EHBP1: variants seen among roughly 807,000 people sequenced by gnomAD.
The protein encoded by EHBP1 is EH domain binding protein 1.
Under a neutral mutation model 144.0 loss-of-function variants are expected in EHBP1, and 55 were observed. The observed-to-expected ratio is 0.38, with a 90% CI of 0.31 to 0.48. EHBP1 has a LOEUF of 0.48. Among genes scored for constraint, EHBP1 ranks in the 20% least tolerant of loss-of-function variants. The pLI, the probability that EHBP1 is intolerant of heterozygous loss-of-function variation, is 0.98. For missense variants in EHBP1, 1,200 were observed against 1,364.2 expected (o/e 0.88, Z 1.90); for synonymous variants, 469 against 472.7 (o/e 0.99, Z 0.10).
At chr2:62,907,656 C>A (rs539842531) in intron 10 of EHBP1, among the ~76,000 whole-genome samples, 145 of 152,260 alleles carry the variant, frequency 9.5e-4, no homozygotes, top group African/African-American at 3.0e-3. Context: ...CTCATCTAAG[C>A]CTAATTACTT....
chr2:62,816,463 A>C (rs1208176688), intron 5 of EHBP1, among the ~76,000 whole-genome samples: 3 of 152,198 alleles, frequency 2.0e-5, no homozygotes, highest in African/African-American at 7.2e-5. Flanking sequence ...TTCTCAAATA[A>C]AGTGTATAAA....
intron 21 of EHBP1, among the ~76,000 whole-genome samples, chr2:63,041,667 T>C (rs1009766651): frequency 3.5e-4 from 54 of 152,326 alleles, no homozygotes; most frequent in African/African-American, 1.2e-3. Context: ...CAGTCTTCCA[T>C]AGATTGATTA....
At chr2:62,886,700 A>G (rs969074239) in intron 10 of EHBP1, among the ~76,000 whole-genome samples, 2 of 152,180 alleles carry the variant, frequency 1.3e-5, no homozygotes, top group African/African-American at 4.8e-5. Flanking sequence ...AATACCTTCA[A>G]TCTGCTTTTA....
intron 19 of EHBP1, among the ~76,000 whole-genome samples, chr2:63,010,429 C>A (rs916839883): frequency 2.0e-5 from 3 of 151,168 alleles, no homozygotes; most frequent in Non-Finnish European, 1.5e-5. Flanking sequence ...ATTTTTAAAA[C>A]CTATTAAAAA....
intron 14 of EHBP1, among the ~76,000 whole-genome samples, chr2:62,957,695 G>A (rs368564464): frequency 8.3e-6 from 1 of 120,650 alleles, no homozygotes; most frequent in Non-Finnish European, 1.6e-5. Context: ...ACCCAGGCTG[G>A]AGCGCAGTGG....
At chr2:63,033,313 G>A (rs980821845) in intron 19 of EHBP1, among the ~76,000 whole-genome samples, 1 of 151,916 alleles carries the variant, frequency 6.6e-6, no homozygotes, top group Non-Finnish European at 1.5e-5. Context: ...TTTGTGTTTG[G>A]TTTAGCTTTG....
chr2:62,999,081 G>A (rs2059750459), intron 19 of EHBP1, among the ~76,000 whole-genome samples: 1 of 152,010 alleles, frequency 6.6e-6, no homozygotes, highest in Admixed American at 6.6e-5. Flanking sequence ...CTAGAATTAA[G>A]CAGAGCAGAT....
At chr2:62,788,001 T>C (rs2042931361) in intron 5 of EHBP1, among the ~76,000 whole-genome samples, 1 of 152,220 alleles carries the variant, frequency 6.6e-6, no homozygotes, top group African/African-American at 2.4e-5. Flanking sequence ...AAAATATGAA[T>C]TGTGTTTTAG....
intron 15 of EHBP1, among the ~76,000 whole-genome samples, chr2:62,983,816 A>G (rs1190027398): frequency 1.3e-5 from 2 of 152,276 alleles, no homozygotes; most frequent in Admixed American, 6.5e-5. Flanking sequence ...TGCTGGGATT[A>G]CAGGCGTGAG....
At chr2:62,745,107 C>A (rs940380464) in intron 2 of EHBP1, among the ~76,000 whole-genome samples, 1 of 151,996 alleles carries the variant, frequency 6.6e-6, no homozygotes, top group South Asian at 2.1e-4. Context: ...TCAGTTGGAC[C>A]TCATCAATTA....
intron 9 of EHBP1, among the ~76,000 whole-genome samples, chr2:62,865,227 G>T (rs1410941284): frequency 2.0e-5 from 3 of 152,092 alleles, no homozygotes; most frequent in Admixed American, 6.5e-5. Flanking sequence ...TTCCAATTGT[G>T]TCTTCTCACA....
Position 62,764,098 on chromosome 2 carries a change from GAT to G in EHBP1, c.163-167_163-166del, listed in dbSNP as rs1319520518. 2.0e-5 allele frequency among the ~76,000 whole-genome samples: 3 copies of G among 151,966 alleles called. No individual in the cohort carries two copies. The East Asian group carries it at 5.8e-4, about 29-fold the overall frequency. The stretch of plus-strand genomic sequence containing the variant: ...GCTTAATGCTTGAAAAGTTTTATTT[GAT>G]TAAGCATTTTTGTTTCAGGGATACT... On this transcript the variant is annotated intron_variant, in intron 3 of 22. Transcript: ENST00000431489.
intron 10 of EHBP1, among the ~76,000 whole-genome samples, chr2:62,898,170 G>A (rs1004249738): frequency 1.3e-5 from 2 of 152,104 alleles, no homozygotes; most frequent in African/African-American, 2.4e-5. Context: ...GTTCTGATTC[G>A]CGGGAGTGAC....
chr2:62,856,314 G>A (rs936464717), intron 7 of EHBP1, among the ~76,000 whole-genome samples: 9 of 152,186 alleles, frequency 5.9e-5, no homozygotes, highest in African/African-American at 1.9e-4. Context: ...TGTGACTCCC[G>A]CTTTGGGGCC....
intron 2 of EHBP1, among the ~76,000 whole-genome samples, chr2:62,735,489 A>G (rs753433702): frequency 6.8e-4 from 103 of 152,276 alleles, no homozygotes; most frequent in Non-Finnish European, 1.0e-3. Flanking sequence ...CACACTATGT[A>G]TATTAACAAA....
At position 62,942,975 on chromosome 2, in the gene EHBP1, C is replaced by A. The variant is rs2056849150; in HGVS notation, c.1364+79C>A. Reference sequence around the variant, plus strand: ...AAAAGAACATAAAATAATTTCTTAGCACATCCTGAAATAATTTATATTTGT... The same window carrying A: ...AAAAGAACATAAAATAATTTCTTAGAACATCCTGAAATAATTTATATTTGT... On this transcript the variant is annotated intron_variant, in intron 11 of 22. Transcript: ENST00000431489. 5 of 1,076,696 alleles carry A rather than the reference C, an allele frequency of 4.6e-6. No homozygotes were observed. The Admixed American group carries it at 1.0e-4, about 22-fold the overall frequency. The allele number at this position is 1,076,696 out of a possible 1,614,324, so 66.7% of individuals were successfully genotyped here. A position where few individuals can be genotyped will look rare whatever the true frequency, so the allele number is the denominator to read the frequency against.
rs1374996714 is a variant in EHBP1 at position 62,943,865 on chromosome 2, G to A, written c.1413+15G>A. 1 of 1,585,516 alleles carries A rather than the reference G, an allele frequency of 6.3e-7. No individual in the cohort carries two copies. The highest frequency in any genetic ancestry group is 8.6e-7 in the Non-Finnish European group (1 of 1,160,304). ...ACAACAAAAAGGTAAGAATTGATGA[G>A]CAAGAAAAATACGTAGTTTCAATTT... is the stretch of plus-strand genomic sequence containing the variant. On this transcript the variant is annotated intron_variant, in intron 12 of 22. Coordinates refer to ENST00000431489, the MANE Select transcript of EHBP1 (RefSeq NM_001142616.3).
chr2:62,759,870 A>C (rs2152297566), intron 3 of EHBP1, among the ~76,000 whole-genome samples: 1 of 152,216 alleles, frequency 6.6e-6, no homozygotes, highest in East Asian at 1.9e-4. Context: ...AAGTTGTAGT[A>C]AATTCTTAGA....
rs752825037 is a variant in EHBP1, at chr2:62,722,433, A to AT, written c.104+15151dup. On this transcript the variant is annotated intron_variant, in intron 2 of 22. Transcript: ENST00000431489. ...CCACCATGCCCTGCCAAAAATAGGG[A>AT]TTTTTTTTTTTTTAAACATAACCAC... Among the ~76,000 whole-genome samples, 517 of 146,482 alleles carry AT rather than the reference A, an allele frequency of 3.5e-3. 1 individual carries two copies. The highest frequency in any genetic ancestry group is 7.1e-3 in the Middle Eastern group (2 of 280).
Sources: allele counts gnomAD v4.1 joint callset (sites outside exome capture counted in the v4.1 genomes callset), GRCh38; gene constraint gnomAD v4.1.1; transcripts MANE v1.5; gene names NCBI Gene and HGNC (gene_info 2026-07-23, HGNC 2026-07-21).